FMN2: variants seen among roughly 807,000 people sequenced by gnomAD.
FMN2 encodes formin 2, also known as formin-2.
In FMN2, 51 loss-of-function variants were observed where a neutral mutation model predicts 142.3. The observed-to-expected ratio is 0.36, with a 90% CI of 0.29 to 0.45. FMN2 has a LOEUF of 0.45. FMN2 is among the 20% of genes least tolerant of loss of function. FMN2 has a pLI of 1.00. For synonymous variants in FMN2, 882 were observed against 869.8 expected (o/e 1.01, Z -0.25); for missense variants, 1,936 against 2,122.8 (o/e 0.91, Z 1.73).
intron 3 of FMN2, among the ~76,000 whole-genome samples, chr1:240,184,963 CCCTCCTATACCTTCCCCTTCTCTTTCT>C (rs1665349069): frequency 1.4e-5 from 2 of 147,314 alleles, no homozygotes; most frequent in African/African-American, 5.1e-5. Context: ...TTCTCTTTCT[CCCTCCTATACCTTCCCCTTCTCTTTCT>C]CCCTCCTATA....
chr1:240,245,714 C>T, intron 6 of FMN2: 1 of 431,048 alleles, frequency 2.3e-6, no homozygotes, highest in South Asian at 1.7e-5. Flanking sequence ...TTATCTTTCT[C>T]ATGGAGAAAT....
At chr1:240,213,518 A>G (rs1420187847) in intron 6 of FMN2, among the ~76,000 whole-genome samples, 3 of 152,284 alleles carry the variant, frequency 2.0e-5, no homozygotes, top group Admixed American at 2.0e-4. Context: ...TGTCCATTCC[A>G]TTTACTTGAG....
chr1:240,186,745 G>T (rs75942178), intron 3 of FMN2, among the ~76,000 whole-genome samples: 1,562 of 152,310 alleles, frequency 0.01, 7 homozygotes, highest in Middle Eastern at 0.024. Context: ...TGGTGAGCAA[G>T]TTGGGACAGA....
intron 8 of FMN2, among the ~76,000 whole-genome samples, chr1:240,297,288 T>C (rs146902682): frequency 6.6e-6 from 1 of 152,252 alleles, no homozygotes; most frequent in East Asian, 1.9e-4. Context: ...ATGTTTATTT[T>C]ATGATGGTTT....
intron 2 of FMN2, among the ~76,000 whole-genome samples, chr1:240,136,433 C>G (rs1027663928): frequency 6.6e-6 from 1 of 152,184 alleles, no homozygotes; most frequent in Admixed American, 6.5e-5. Context: ...TTTTAAAAAA[C>G]ACACTCGTGG....
chr1:240,232,678 ATTTG>A (rs1032483417), intron 6 of FMN2, among the ~76,000 whole-genome samples: 6 of 152,172 alleles, frequency 3.9e-5, no homozygotes, highest in East Asian at 3.9e-4. Context: ...CCAAACAGTA[ATTTG>A]TTTGTTTTCA....
At chr1:240,439,136 TGTG>T (rs1675510003) in intron 16 of FMN2, among the ~76,000 whole-genome samples, 1 of 151,676 alleles carries the variant, frequency 6.6e-6, no homozygotes, top group Non-Finnish European at 1.5e-5. Flanking sequence ...AGCCGGGCAT[TGTG>T]GTGGGCACCT....
intron 15 of FMN2, among the ~76,000 whole-genome samples, chr1:240,409,614 A>G (rs938529655): frequency 4.6e-5 from 7 of 152,220 alleles, no homozygotes; most frequent in African/African-American, 1.7e-4. Flanking sequence ...GTGGGGTCAA[A>G]TGTCTTTTCT....
intron 15 of FMN2, among the ~76,000 whole-genome samples, chr1:240,411,277 G>A (rs1290120783): frequency 6.6e-6 from 1 of 152,108 alleles, no homozygotes; most frequent in Non-Finnish European, 1.5e-5. Flanking sequence ...CTTTTAAGAA[G>A]TCTAACTACA....
At chr1:240,236,593 A>C (rs1358565363) in intron 6 of FMN2, among the ~76,000 whole-genome samples, 1 of 152,174 alleles carries the variant, frequency 6.6e-6, no homozygotes, top group Non-Finnish European at 1.5e-5. Flanking sequence ...TTCTGCCATG[A>C]AGGTTTTACT....
At chr1:240,351,793 C>G (rs1343647666) in intron 13 of FMN2, among the ~76,000 whole-genome samples, 1 of 152,102 alleles carries the variant, frequency 6.6e-6, no homozygotes, top group East Asian at 1.9e-4. Context: ...GTCACCAGAC[C>G]CAGTAGATGA....
intron 15 of FMN2, among the ~76,000 whole-genome samples, chr1:240,424,050 A>C (rs919272929): frequency 5.3e-5 from 8 of 152,228 alleles, no homozygotes; most frequent in African/African-American, 1.2e-4. Context: ...AGGTTGAATT[A>C]AACAAATTTA....
chr1:240,339,493 G>A (rs1437901462), intron 13 of FMN2, among the ~76,000 whole-genome samples: 1 of 151,336 alleles, frequency 6.6e-6, no homozygotes, highest in African/African-American at 2.4e-5. Flanking sequence ...CATGGATAAG[G>A]GAACACTACT....
intron 15 of FMN2, among the ~76,000 whole-genome samples, chr1:240,430,401 A>G (rs1247473004): frequency 1.3e-5 from 2 of 152,110 alleles, no homozygotes; most frequent in Admixed American, 1.3e-4. Flanking sequence ...ATTCTCCCCA[A>G]CATGTGAGAC....
intron 2 of FMN2, chr1:240,170,494 T>C (rs1664658388): frequency 1.3e-6 from 2 of 1,491,502 alleles, no homozygotes; most frequent in Non-Finnish European, 9.4e-7. Flanking sequence ...ATCCTAAAAC[T>C]AACCTTGCCA....
At chr1:240,187,541 A>G (rs1318077185) in intron 3 of FMN2, among the ~76,000 whole-genome samples, 1 of 151,950 alleles carries the variant, frequency 6.6e-6, no homozygotes, top group Non-Finnish European at 1.5e-5. Flanking sequence ...TTTCATTTTT[A>G]TTTTTATCCT....
At position 240,093,667 on chromosome 1, in the gene FMN2, G is replaced by C. The variant is rs1661094858; in HGVS notation, c.1558G>C (p.Ala520Pro). The C allele has an allele frequency of 2.2e-6, 3 of 1,371,974 alleles. No individual in the cohort carries two copies. The South Asian group carries it at 5.7e-5, about 26-fold the overall frequency. The allele number at this position is 1,371,974 out of a possible 1,614,324, so 85.0% of individuals were successfully genotyped here. A position where few individuals can be genotyped will look rare whatever the true frequency, so the allele number is the denominator to read the frequency against. ...DSGGGVSPAL[A>P]AKASGAPAAA... ...CGGCGGTGGGGTGTCCCCAGCACTG[G>C]CCGCCAAGGCGTCTGGGGCCCCCGC... Residue 520 changes from alanine to proline, a missense_variant, in exon 1 of 18, where the codon GCC becomes CCC. Transcript: ENST00000319653.
At chr1:240,123,405 G>C in intron 2 of FMN2, 60 bp downstream of exon 2, 6 of 1,525,936 alleles carry the variant, frequency 3.9e-6, no homozygotes, top group Non-Finnish European at 5.3e-6. Context: ...TAGCAGCTAC[G>C]ATGTGTATCT....
chr1:240,354,706 A>G (rs1672206701), intron 13 of FMN2, among the ~76,000 whole-genome samples: 1 of 152,184 alleles, frequency 6.6e-6, no homozygotes, highest in African/African-American at 2.4e-5. Flanking sequence ...TGCTTAGATA[A>G]ACTAATGACC....
Sources: allele counts gnomAD v4.1 joint callset (sites outside exome capture counted in the v4.1 genomes callset), GRCh38; gene constraint gnomAD v4.1.1; transcripts MANE v1.5; gene names NCBI Gene and HGNC (gene_info 2026-07-23, HGNC 2026-07-21).